Variants in ROBO1 observed in about 807,000 individuals in gnomAD.
ROBO1 encodes the protein roundabout guidance receptor 1, also known as roundabout homolog 1.
A neutral mutation model predicts 195.9 loss-of-function variants in ROBO1; 149 were observed. The ratio of observed to expected loss-of-function variants is 0.76; its 90% CI spans 0.67 to 0.87. The LOEUF (loss-of-function observed/expected upper bound fraction) is 0.87, where lower values mean the gene tolerates loss of function less well. ROBO1 is among the 40% of genes least tolerant of loss of function. The pLI is 0.00. For synonymous variants in ROBO1, 816 were observed against 733.2 expected (o/e 1.11, Z -1.82); for missense variants, 1,933 against 2,068.3 (o/e 0.93, Z 1.27).
intron 2 of ROBO1, among the ~76,000 whole-genome samples, chr3:79,186,027 T>G (rs533536418): frequency 1.3e-5 from 2 of 152,214 alleles, no homozygotes; most frequent in East Asian, 3.9e-4. Flanking sequence ...CCCAAGCCCT[T>G]TATTTTAATG....
intron 2 of ROBO1, among the ~76,000 whole-genome samples, chr3:79,422,115 T>G (rs576594923): frequency 6.7e-6 from 1 of 148,278 alleles, no homozygotes; most frequent in African/African-American, 2.4e-5. Flanking sequence ...TGATTATATA[T>G]TTTATGCATA....
rs370262253 is a variant in ROBO1 at position 78,675,383 on chromosome 3, C to T, written c.1343-5082G>A. ...GCGAGGCATTGCCTCACTCGGGAAG[C>T]GCAAGGGGTCAGGGAGTTCCCTTTC... is the stretch of plus-strand genomic sequence containing the variant. On this transcript the variant is annotated intron_variant, in intron 10 of 30. Transcript: ENST00000464233. 1.9e-4 allele frequency among the ~76,000 whole-genome samples: 29 copies of T among 152,210 alleles called. 1 individual carries two copies. In the East Asian group the frequency reaches 3.5e-3, roughly 18 times the overall value.
At chr3:78,944,495 G>C (rs1346318459) in intron 3 of ROBO1, among the ~76,000 whole-genome samples, 1 of 152,192 alleles carries the variant, frequency 6.6e-6, no homozygotes, top group Non-Finnish European at 1.5e-5. Flanking sequence ...ACAGATTAAA[G>C]AGTTCTTTGG....
chr3:79,190,420 T>C (rs2081517343), intron 2 of ROBO1, among the ~76,000 whole-genome samples: 1 of 151,696 alleles, frequency 6.6e-6, no homozygotes, highest in South Asian at 2.1e-4. Context: ...GAATAGTGGC[T>C]ATCTTATTGA....
At chr3:78,780,265 A>C (rs532611619) in intron 4 of ROBO1, among the ~76,000 whole-genome samples, 2 of 152,210 alleles carry the variant, frequency 1.3e-5, no homozygotes, top group Non-Finnish European at 1.5e-5. Context: ...AAAAAAATTC[A>C]CATATGTTAG....
At chr3:78,691,641 G>A (rs2081178282) in intron 8 of ROBO1, among the ~76,000 whole-genome samples, 1 of 152,058 alleles carries the variant, frequency 6.6e-6, no homozygotes, top group Non-Finnish European at 1.5e-5. Context: ...TGCAAAGATC[G>A]AGAGTGTATT....
intron 2 of ROBO1, among the ~76,000 whole-genome samples, chr3:79,172,837 A>C (rs1559711502): frequency 6.6e-6 from 1 of 152,106 alleles, no homozygotes; most frequent in Non-Finnish European, 1.5e-5. Flanking sequence ...TTATACCCTT[A>C]TCTGTGATCA....
At chr3:78,885,412 T>TAAAAAAAAAAAAAAAAA (rs59912706) in intron 4 of ROBO1, among the ~76,000 whole-genome samples, 1 of 53,676 alleles carries the variant, frequency 1.9e-5, no homozygotes, top group African/African-American at 7.4e-5. Flanking sequence ...AATTTAAAAC[T>TAAAAAAAAAAAAAAAAA]AAAAAAAAAA....
chr3:78,995,592 A>T (rs748272435), intron 3 of ROBO1, among the ~76,000 whole-genome samples: 2 of 151,710 alleles, frequency 1.3e-5, no homozygotes, highest in Non-Finnish European at 2.9e-5. Context: ...ATCTTAATTC[A>T]CGTTTATGTT....
At chr3:79,067,174 T>C (rs1310641199) in intron 3 of ROBO1, among the ~76,000 whole-genome samples, 1 of 151,998 alleles carries the variant, frequency 6.6e-6, no homozygotes, top group African/African-American at 2.4e-5. Flanking sequence ...TACAAAGATA[T>C]GTCTCATGAT....
intron 2 of ROBO1, among the ~76,000 whole-genome samples, chr3:79,574,157 A>T (rs1943370642): frequency 6.6e-6 from 1 of 152,080 alleles, no homozygotes; most frequent in African/African-American, 2.4e-5. Flanking sequence ...AAGTAATATG[A>T]TATATTCATA....
intron 4 of ROBO1, among the ~76,000 whole-genome samples, chr3:78,794,618 C>G (rs1465728520): frequency 6.6e-6 from 1 of 152,170 alleles, no homozygotes; most frequent in Non-Finnish European, 1.5e-5. Flanking sequence ...CACTTTGTCA[C>G]CCAGACTGGA....
intron 2 of ROBO1, among the ~76,000 whole-genome samples, chr3:79,291,473 T>C (rs1464877056): frequency 1.3e-5 from 2 of 152,206 alleles, no homozygotes; most frequent in Admixed American, 6.5e-5. Flanking sequence ...TACCTTTTAT[T>C]ATGTTTTTCA....
intron 2 of ROBO1, among the ~76,000 whole-genome samples, chr3:79,500,458 T>C (rs1366614958): frequency 6.6e-6 from 1 of 152,180 alleles, no homozygotes; most frequent in Non-Finnish European, 1.5e-5. Flanking sequence ...TTGTCCTCAG[T>C]GAGGTGCTGA....
chr3:79,522,817 G>A (rs537995129), intron 2 of ROBO1, among the ~76,000 whole-genome samples: 1 of 152,190 alleles, frequency 6.6e-6, no homozygotes, highest in South Asian at 2.1e-4. Context: ...TTCAAGTTAT[G>A]TTTAATTGTA....
intron 2 of ROBO1, among the ~76,000 whole-genome samples, chr3:79,153,756 A>T (rs2080812456): frequency 6.8e-6 from 1 of 148,026 alleles, no homozygotes; most frequent in East Asian, 2.0e-4. Context: ...TATATATAAT[A>T]TAAATATTGT....
intron 4 of ROBO1, among the ~76,000 whole-genome samples, chr3:78,898,074 A>T (rs2037346434): frequency 1.3e-5 from 2 of 150,940 alleles, no homozygotes; most frequent in Admixed American, 1.3e-4. Flanking sequence ...AGTATCTCTG[A>T]TGTTTTAGGA....
At chr3:79,694,408 G>T (rs553781087) in intron 1 of ROBO1, among the ~76,000 whole-genome samples, 38 of 151,888 alleles carry the variant, frequency 2.5e-4, no homozygotes, top group Non-Finnish European at 4.6e-4. Context: ...ATACAGTGAT[G>T]TATGCTGTGA....
intron 2 of ROBO1, among the ~76,000 whole-genome samples, chr3:79,446,574 AT>A (rs367822868): frequency 3.3e-4 from 51 of 152,250 alleles, no homozygotes; most frequent in African/African-American, 3.4e-4. Context: ...CTGTCAAATT[AT>A]TTTTGGGGAA....
Sources: allele counts gnomAD v4.1 joint callset (sites outside exome capture counted in the v4.1 genomes callset), GRCh38; gene constraint gnomAD v4.1.1; transcripts MANE v1.5; gene names NCBI Gene and HGNC (gene_info 2026-07-23, HGNC 2026-07-21).